Variants in ZDHHC14 observed in about 807,000 individuals in gnomAD.
ZDHHC14 encodes palmitoyltransferase ZDHHC14.
In ZDHHC14, 16 loss-of-function variants were observed where a neutral mutation model predicts 47.7. The observed-to-expected ratio is 0.34, with a 90% CI of 0.23 to 0.51. The LOEUF (loss-of-function observed/expected upper bound fraction) is 0.51, where lower values mean the gene tolerates loss of function less well. ZDHHC14 is among the 20% of genes least tolerant of loss of function. The pLI is 0.97. For synonymous variants in ZDHHC14, 293 were observed against 278.9 expected (o/e 1.05, Z -0.50); for missense variants, 515 against 662.5 (o/e 0.78, Z 2.44).
chr6:157,465,345 T>A (rs1241640509), intron 1 of ZDHHC14, among the ~76,000 whole-genome samples: 3 of 152,114 alleles, frequency 2.0e-5, no homozygotes, highest in African/African-American at 7.2e-5. Flanking sequence ...TCTGACTCAC[T>A]GTTATTTATG....
In ZDHHC14 at chr6:157,672,750, C is replaced by T; in HGVS notation, c.1095C>T (p.Ser365=). Residue 365 remains serine, a synonymous_variant, in exon 9 of 9, where the codon AGC becomes AGT. Coordinates refer to ENST00000359775, the MANE Select transcript of ZDHHC14 (RefSeq NM_024630.3). The part of the protein sequence containing the change: ...DMCDQDQCIQ[S]TKFVLQAAAT... ...GCGACCAAGACCAGTGCATTCAGAG[C>T]ACCAAATTCGTTTTGCAGGCTGCAG... The T allele has an allele frequency of 6.2e-7, 1 of 1,612,514 alleles. No homozygotes were observed.
intron 2 of ZDHHC14, among the ~76,000 whole-genome samples, chr6:157,549,637 C>T (rs545050704): frequency 7.2e-5 from 11 of 152,234 alleles, no homozygotes; most frequent in African/African-American, 1.7e-4. Flanking sequence ...GTCGAGATTC[C>T]GATGTCCCTT....
intron 1 of ZDHHC14, among the ~76,000 whole-genome samples, chr6:157,453,953 T>C (rs921136610): frequency 1.3e-5 from 2 of 152,220 alleles, no homozygotes; most frequent in Admixed American, 6.5e-5. Flanking sequence ...TTAATGTTTA[T>C]CTTGAAGCCT....
chr6:157,472,394 G>A (rs1348760128), intron 1 of ZDHHC14, among the ~76,000 whole-genome samples: 1 of 152,104 alleles, frequency 6.6e-6, no homozygotes, highest in Non-Finnish European at 1.5e-5. Flanking sequence ...GGAGATAAAT[G>A]TTTATCCAGC....
intron 1 of ZDHHC14, among the ~76,000 whole-genome samples, chr6:157,434,868 A>C (rs1778409154): frequency 6.6e-6 from 1 of 152,188 alleles, no homozygotes; most frequent in African/African-American, 2.4e-5. Flanking sequence ...ATGTTTTGTA[A>C]TAGTCCCGTC....
chr6:157,647,269 C>T lies in ZDHHC14; in HGVS notation c.866C>T (p.Ser289Phe), dbSNP rs1316229850. The change falls in exon 7 of 9, where the codon TCC becomes TTC. Residue 289 changes from serine to phenylalanine, a missense_variant. Physicochemically the swap from Ser to Phe is radical, Grantham distance 155. This residue lies in a region of ZDHHC14 where 229 missense variants were observed against 351.5 expected (regional missense o/e 0.65). Coordinates refer to ENST00000359775, the MANE Select transcript of ZDHHC14 (RefSeq NM_024630.3). The part of the protein sequence containing the change: ...NQTTNEDIKG[S>F]WSNKRGKENY... ...TTCCTTTTCTTTCAGATTAAAGGATCCTGGTCAAATAAAAGAGGTAAAGAA... is the reference window on the plus strand; with the variant it reads ...TTCCTTTTCTTTCAGATTAAAGGATTCTGGTCAAATAAAAGAGGTAAAGAA... 3.1e-6 allele frequency: 5 copies of T among 1,613,162 alleles called. No homozygotes were observed. The highest frequency in any genetic ancestry group is 4.2e-6 in the Non-Finnish European group (5 of 1,179,272).
intron 3 of ZDHHC14, among the ~76,000 whole-genome samples, chr6:157,610,348 C>G (rs925961100): frequency 6.6e-6 from 1 of 152,154 alleles, no homozygotes; most frequent in Non-Finnish European, 1.5e-5. Flanking sequence ...AGGAGAATAG[C>G]GTGAACCCGG....
At chr6:157,471,767 C>T (rs1024428563) in intron 1 of ZDHHC14, among the ~76,000 whole-genome samples, 1 of 152,136 alleles carries the variant, frequency 6.6e-6, no homozygotes, top group African/African-American at 2.4e-5. Flanking sequence ...TCAGAGGCAG[C>T]GTGGCCGATG....
At chr6:157,518,390 G>T (rs961545863) in intron 1 of ZDHHC14, among the ~76,000 whole-genome samples, 1 of 135,008 alleles carries the variant, frequency 7.4e-6, no homozygotes, top group African/African-American at 2.7e-5. Context: ...AATAGGGAAG[G>T]GGTGGGGGGA....
intron 1 of ZDHHC14, among the ~76,000 whole-genome samples, chr6:157,486,230 T>G (rs1489491390): frequency 6.6e-6 from 1 of 152,198 alleles, no homozygotes; most frequent in Non-Finnish European, 1.5e-5. Context: ...GGAGTCGGCC[T>G]GCTGGTATAT....
At chr6:157,521,195 C>A (rs1469202605) in intron 1 of ZDHHC14, among the ~76,000 whole-genome samples, 2 of 152,138 alleles carry the variant, frequency 1.3e-5, no homozygotes, top group Non-Finnish European at 2.9e-5. Context: ...ATCAGGAGTC[C>A]ACACTGGTTC....
chr6:157,641,931 G>A (rs1170412228), intron 5 of ZDHHC14, among the ~76,000 whole-genome samples: 1 of 151,930 alleles, frequency 6.6e-6, no homozygotes, highest in Non-Finnish European at 1.5e-5. Flanking sequence ...TCATTATTCT[G>A]TTCCAGCAAG....
At chr6:157,448,722 G>T (rs916442697) in intron 1 of ZDHHC14, among the ~76,000 whole-genome samples, 2 of 152,160 alleles carry the variant, frequency 1.3e-5, no homozygotes, top group South Asian at 4.1e-4. Context: ...GATCACAGGC[G>T]TGCACCACCA....
At chr6:157,665,556 C>A (rs559491109) in intron 8 of ZDHHC14, among the ~76,000 whole-genome samples, 1 of 152,134 alleles carries the variant, frequency 6.6e-6, no homozygotes, top group African/African-American at 2.4e-5. Context: ...AAAGGTATTT[C>A]TTGAATGATA....
In ZDHHC14 at chr6:157,672,925, G is replaced by A. The variant is rs769257070; in HGVS notation, c.1270G>A (p.Ala424Thr). ...SMPNLAEATL[A>T]DVMPRKDEHM... ...GCCCAACCTCGCCGAGGCCACGCTC[G>A]CGGACGTGATGCCCCGGAAAGATGA... Residue 424 changes from alanine to threonine, a missense_variant, in exon 9 of 9, where the codon GCG becomes ACG. Physicochemically the swap from Ala to Thr is moderately conservative, Grantham distance 58 (BLOSUM62 0). Coordinates refer to ENST00000359775, the MANE Select transcript of ZDHHC14 (RefSeq NM_024630.3). 41 of 1,602,600 alleles carry A rather than the reference G, an allele frequency of 2.6e-5. No homozygotes were observed. Among genetic ancestry groups the A allele is most frequent in the East Asian group, 2.5e-4 (11 of 44,352 alleles).
intron 7 of ZDHHC14, among the ~76,000 whole-genome samples, chr6:157,649,284 G>C (rs1055793077): frequency 6.6e-6 from 1 of 152,220 alleles, no homozygotes; most frequent in Non-Finnish European, 1.5e-5. Context: ...GGGGCTCCGG[G>C]GGAGGCTTTT....
At chr6:157,640,822 A>C (rs1463929767) in intron 5 of ZDHHC14, among the ~76,000 whole-genome samples, 1 of 152,140 alleles carries the variant, frequency 6.6e-6, no homozygotes, top group Non-Finnish European at 1.5e-5. Flanking sequence ...CGTTGTAAAA[A>C]ATCCCCAATG....
chr6:157,644,773 G>A lies in ZDHHC14; in HGVS notation c.753-964G>A, dbSNP rs143794110. 6.2e-3 allele frequency among the ~76,000 whole-genome samples: 945 copies of A among 152,286 alleles called. 11 individuals carry two copies. The highest frequency in any genetic ancestry group is 0.021 in the African/African-American group (890 of 41,554). ...CTCCATCCTGTAATGTATCGATAGCGGATGCCAGATGTATGTGTAAACTCC... is the reference window on the plus strand; with the variant it reads ...CTCCATCCTGTAATGTATCGATAGCAGATGCCAGATGTATGTGTAAACTCC... On this transcript the variant is annotated intron_variant, in intron 5 of 8. Transcript: ENST00000359775.
intron 2 of ZDHHC14, among the ~76,000 whole-genome samples, chr6:157,591,737 G>A (rs540654932): frequency 2.0e-5 from 3 of 152,326 alleles, no homozygotes; most frequent in African/African-American, 7.2e-5. Flanking sequence ...TGTGGTGTGA[G>A]GGGACTGAGT....
Sources: allele counts gnomAD v4.1 joint callset (sites outside exome capture counted in the v4.1 genomes callset), GRCh38; gene constraint gnomAD v4.1.1; regional missense constraint gnomAD v4.1.1; transcripts MANE v1.5; gene names NCBI Gene and HGNC (gene_info 2026-07-23, HGNC 2026-07-21).